WWOX: variants seen among roughly 807,000 people sequenced by gnomAD.
WWOX encodes the protein WW domain-containing oxidoreductase.
WWOX carries 69 observed loss-of-function variants against 46.2 expected under a neutral mutation model. The ratio of observed to expected loss-of-function variants is 1.49; its 90% CI spans 1.23 to 1.82. WWOX has a LOEUF of 1.82. WWOX is among the 40% of genes most tolerant of loss of function. The pLI is 0.00. For synonymous variants in WWOX, 359 were observed against 202.6 expected, an observed-to-expected ratio of 1.77 and a Z score of -6.56; for missense variants, 919 against 542.6, an observed-to-expected ratio of 1.69 and a Z score of -6.89.
At chr16:78,446,376 A>T (rs1302779689) in intron 8 of WWOX, among the ~76,000 whole-genome samples, 1 of 152,144 alleles carries the variant, frequency 6.6e-6, no homozygotes, top group Non-Finnish European at 1.5e-5. Context: ...CTGAAGTCTC[A>T]GGTCCTTGTC....
At chr16:78,427,656 G>A (rs925361713) in intron 7 of WWOX, among the ~76,000 whole-genome samples, 1 of 152,104 alleles carries the variant, frequency 6.6e-6, no homozygotes, top group Non-Finnish European at 1.5e-5. Flanking sequence ...GCACATGCCT[G>A]TAATCCTATC....
intron 5 of WWOX, among the ~76,000 whole-genome samples, chr16:78,229,702 A>G (rs1055835574): frequency 2.0e-5 from 3 of 151,956 alleles, no homozygotes; most frequent in African/African-American, 7.3e-5. Context: ...CAGTGTTGGT[A>G]GCTCATTTAA....
In WWOX at chr16:78,753,825, A is replaced by AATATATAT. The variant is rs1159243014; in HGVS notation, c.1056+321096_1056+321103dup. 8.9e-3 allele frequency among the ~76,000 whole-genome samples: 190 copies of AATATATAT among 21,280 alleles called. 2 individuals are homozygous for AATATATAT. The highest frequency in any genetic ancestry group is 0.02 in the South Asian group (6 of 296). The allele number at this position is 21,280 out of a possible 152,430, so 14.0% of individuals were successfully genotyped here. A position where few individuals can be genotyped will look rare whatever the true frequency, so the allele number is the denominator to read the frequency against. On this transcript the variant is annotated intron_variant, in intron 8 of 8. Coordinates refer to ENST00000566780, the MANE Select transcript of WWOX (RefSeq NM_016373.4). ...TCAAAAAAAAAAAAAAAAAAAAAAA[A>AATATATAT]ATATATATATATATATATATATATA...
intron 8 of WWOX, among the ~76,000 whole-genome samples, chr16:78,572,508 A>C (rs890255251): frequency 2.1e-5 from 3 of 140,010 alleles, no homozygotes; most frequent in Non-Finnish European, 1.5e-5. Flanking sequence ...GAGACTGAGG[A>C]GGGAGGACCT....
At chr16:78,630,832 CAACAAAT>C (rs1364585035) in intron 8 of WWOX, among the ~76,000 whole-genome samples, 1 of 151,964 alleles carries the variant, frequency 6.6e-6, no homozygotes, top group Non-Finnish European at 1.5e-5. Flanking sequence ...AGAAAATAGC[CAACAAAT>C]ACTGGGTGAA....
At chr16:78,163,119 T>A (rs1456874180) in intron 4 of WWOX, among the ~76,000 whole-genome samples, 2 of 152,136 alleles carry the variant, frequency 1.3e-5, no homozygotes, top group Non-Finnish European at 2.9e-5. Flanking sequence ...TTTGGTGAAG[T>A]TTTTTCTTTT....
intron 8 of WWOX, among the ~76,000 whole-genome samples, chr16:79,020,694 G>A (rs920661181): frequency 6.6e-6 from 1 of 152,158 alleles, no homozygotes; most frequent in African/African-American, 2.4e-5. Flanking sequence ...GGGAGAGTGT[G>A]GTGAGTAGGA....
At chr16:78,360,322 A>G (rs1452466495) in intron 5 of WWOX, among the ~76,000 whole-genome samples, 1 of 152,180 alleles carries the variant, frequency 6.6e-6, no homozygotes, top group Non-Finnish European at 1.5e-5. Context: ...ACAGTGGCTC[A>G]TGCCTGTAAT....
At chr16:78,984,195 C>G (rs1210941512) in intron 8 of WWOX, among the ~76,000 whole-genome samples, 1 of 151,956 alleles carries the variant, frequency 6.6e-6, no homozygotes, top group African/African-American at 2.4e-5. Flanking sequence ...TATTCTTTGT[C>G]TTTTATTTGC....
At chr16:78,868,129 A>G (rs1567614428) in intron 8 of WWOX, among the ~76,000 whole-genome samples, 1 of 152,222 alleles carries the variant, frequency 6.6e-6, no homozygotes, top group Non-Finnish European at 1.5e-5. Context: ...AAATACCCAA[A>G]TGTCCATTAG....
chr16:78,947,727 A>G (rs547537022), intron 8 of WWOX, among the ~76,000 whole-genome samples: 3 of 152,326 alleles, frequency 2.0e-5, no homozygotes, highest in Non-Finnish European at 4.4e-5. Context: ...GCCAAAAAGA[A>G]TGTGCCACCT....
At chr16:78,757,641 C>T (rs1396787984) in intron 8 of WWOX, among the ~76,000 whole-genome samples, 1 of 151,876 alleles carries the variant, frequency 6.6e-6, no homozygotes, top group Non-Finnish European at 1.5e-5. Context: ...TGAATGAATA[C>T]ATTTTATTTA....
At chr16:78,178,526 C>T (rs547745943) in intron 5 of WWOX, among the ~76,000 whole-genome samples, 1 of 152,246 alleles carries the variant, frequency 6.6e-6, no homozygotes, top group South Asian at 2.1e-4. Context: ...CATGTCAGTG[C>T]TAGACCACAT....
intron 8 of WWOX, among the ~76,000 whole-genome samples, chr16:78,571,851 G>T (rs1267669881): frequency 6.6e-6 from 1 of 152,124 alleles, no homozygotes; most frequent in Non-Finnish European, 1.5e-5. Context: ...GGGCAACAGA[G>T]CTAGATTCCA....
At chr16:79,132,645 T>A (rs902881007) in intron 8 of WWOX, among the ~76,000 whole-genome samples, 7 of 152,172 alleles carry the variant, frequency 4.6e-5, no homozygotes, top group African/African-American at 1.7e-4. Context: ...AAAACAAGAA[T>A]AAATCCCTTA....
intron 8 of WWOX, among the ~76,000 whole-genome samples, chr16:79,113,875 C>T (rs1597387367): frequency 6.6e-6 from 1 of 152,196 alleles, no homozygotes; most frequent in South Asian, 2.1e-4. Context: ...AATCTTGAAC[C>T]AGGGTCTCTC....
At chr16:79,048,803 G>T (rs553080865) in intron 8 of WWOX, among the ~76,000 whole-genome samples, 4 of 152,280 alleles carry the variant, frequency 2.6e-5, no homozygotes, top group Middle Eastern at 3.4e-3. Flanking sequence ...AGAAATTCAA[G>T]TGCCACACAG....
chr16:78,927,089 C>A (rs2045515699), intron 8 of WWOX, among the ~76,000 whole-genome samples: 1 of 152,212 alleles, frequency 6.6e-6, no homozygotes, highest in African/African-American at 2.4e-5. Context: ...AGCCACCATG[C>A]CCTGCCCAGG....
chr16:78,368,118 T>G (rs2081583195), intron 5 of WWOX, among the ~76,000 whole-genome samples: 2 of 152,214 alleles, frequency 1.3e-5, no homozygotes, highest in Admixed American at 6.5e-5. Context: ...CTTTGTTGTG[T>G]TTATAAACTA....
Sources: gnomAD v4.1 joint callset for allele counts (sites outside exome capture counted in the v4.1 genomes callset) on GRCh38, gnomAD v4.1.1 for gene constraint, MANE v1.5 for transcripts, NCBI Gene and HGNC (gene_info 2026-07-23, HGNC 2026-07-21) for gene names.